Variants in LZIC observed in about 807,000 individuals in gnomAD.
LZIC encodes the protein leucine zipper and CTNNBIP1 domain containing.
In LZIC, 28 loss-of-function variants were observed where a neutral mutation model predicts 25.4. That is an observed-to-expected ratio of 1.10 (90% CI 0.82 to 1.51). LZIC has a LOEUF of 1.51. Ranked by LOEUF, LZIC falls within the 40% of genes most tolerant of loss-of-function variation. The pLI, the probability that LZIC is intolerant of heterozygous loss-of-function variation, is 0.00. For missense variants in LZIC, 170 were observed against 211.1 expected (o/e 0.81, Z 1.21); for synonymous variants, 65 against 70.7 (o/e 0.92, Z 0.40).
In LZIC at chr1:9,929,699, C is replaced by A. The variant is rs1640129120; in HGVS notation, c.*700G>T. 1.0e-6 allele frequency: 1 copy of A among 985,298 alleles called. No individual in the cohort carries two copies. Among genetic ancestry groups the A allele is most frequent in the Non-Finnish European group, 1.2e-6 (1 of 829,938 alleles). The allele number at this position is 985,298 out of a possible 1,614,324, so 61.0% of individuals were successfully genotyped here. ...GGGCCCCATTAATACAGACAGCTTA[C>A]AGGCTGGGGGATGGTCCCTTAGTGT... On this transcript the variant is annotated 3_prime_UTR_variant, in exon 8 of 8. Coordinates refer to ENST00000377223, the MANE Select transcript of LZIC (RefSeq NM_032368.5).
rs558492792 is a variant in LZIC at position 9,934,772 on chromosome 1, C to T, written c.326G>A (p.Arg109Lys). The T allele has an allele frequency of 2.5e-6, 4 of 1,613,916 alleles. No homozygotes were observed. The stretch of plus-strand genomic sequence containing the variant: ...TTAAAGAAATTTTACCTCTGCTAAC[C>T]TTGTCCGAAGCTGACCTGGTTGTTT... ...AKKQPGQLRT[R>K]LAEMDRDLMV... is the part of the protein sequence containing the mutation. Residue 109 changes from arginine (R) to lysine (K), a missense_variant, in exon 5 of 8, where the codon AGG becomes AAG. By Grantham distance (26) the Arg-to-Lys change is conservative (BLOSUM62 2). Coordinates refer to ENST00000377223, the MANE Select transcript of LZIC (RefSeq NM_032368.5).
rs893848014 is a variant in LZIC at position 9,927,784 on chromosome 1, A to G, written c.*2615T>C. The stretch of plus-strand genomic sequence containing the variant: ...CCGAAACCTCTGCCTCCCAGGTTCA[A>G]GTGATTCTCCTGCCTCAGTCTCCCA... On this transcript the variant is annotated 3_prime_UTR_variant, in exon 8 of 8. Transcript: ENST00000377223. Among the ~76,000 whole-genome samples the G allele has an allele frequency of 2.0e-5, 3 of 147,692 alleles. No homozygotes were observed. The highest frequency in any genetic ancestry group is 7.6e-5 in the African/African-American group (3 of 39,722).
At chr1:9,937,444 C>T (rs1241896963) in intron 2 of LZIC, among the ~76,000 whole-genome samples, 1 of 151,362 alleles carries the variant, frequency 6.6e-6, no homozygotes, top group Non-Finnish European at 1.5e-5. Flanking sequence ...ATTTGGGAGG[C>T]TGAGGCAGCA....
rs766618552 is a variant in LZIC, at chr1:9,931,878, T to C, written c.514+13A>G. The C allele has an allele frequency of 3.8e-6, 6 of 1,593,730 alleles. No homozygotes were observed. The East Asian group carries it at 1.3e-4, about 36-fold the overall frequency. On this transcript the variant is annotated intron_variant, in intron 7 of 7. Transcript: ENST00000377223. ...AGTATACGACCAGCTTTCAGAAATA[T>C]GAGGGCACTCACCAAGGTCTGTAGA...
Position 9,935,606 on chromosome 1 carries a change from T to C in LZIC, c.123A>G (p.Glu41=), listed in dbSNP as rs1640419099. 2 of 1,607,956 alleles carry C rather than the reference T, an allele frequency of 1.2e-6. No homozygotes were observed. Among genetic ancestry groups the C allele is most frequent in the African/African-American group, 2.7e-5 (2 of 74,456 alleles). Residue 41 remains glutamate, a synonymous_variant, in exon 4 of 8, where the codon GAA becomes GAG. Coordinates refer to ENST00000377223, the MANE Select transcript of LZIC (RefSeq NM_032368.5). ...EECREELDTD[E]YEETKKETLE... ...GAGTTTCCTTTTTGGTTTCTTCATATTCATCTGTATCAAGTTCCTCTCTGA... is the reference window on the plus strand; with the variant it reads ...GAGTTTCCTTTTTGGTTTCTTCATACTCATCTGTATCAAGTTCCTCTCTGA...
intron 2 of LZIC, 39 bp from the exon 3 acceptor site, chr1:9,936,666 A>G (rs1640471849): frequency 7.6e-7 from 1 of 1,317,982 alleles, no homozygotes; most frequent in African/African-American, 1.5e-5. Context: ...TATGAAATTA[A>G]CATACCAGTG....
Position 9,935,715 on chromosome 1 carries a change from G to C in LZIC, c.102-88C>G, listed in dbSNP as rs1182681193. 2.5e-6 allele frequency: 3 copies of C among 1,216,966 alleles called. No individual in the cohort carries two copies. The African/African-American group carries it at 4.6e-5, about 19-fold the overall frequency. The allele number at this position is 1,216,966 out of a possible 1,614,324, so 75.4% of individuals were successfully genotyped here. A position where few individuals can be genotyped will look rare whatever the true frequency, so the allele number is the denominator to read the frequency against. On this transcript the variant is annotated intron_variant, in intron 3 of 7. Transcript: ENST00000377223. ...AATACTTGTACATTAGAGAAAGACT[G>C]AAGGGAAATATCAAAATGCTGATGG... is the stretch of plus-strand genomic sequence containing the variant.
At chr1:9,923,260 T>C (rs1393276489), downstream of LZIC, among the ~76,000 whole-genome samples, 2 of 152,178 alleles carry the variant, frequency 1.3e-5, no homozygotes, top group South Asian at 2.1e-4. Flanking sequence ...TCTTGCCCTG[T>C]CACTGAGGTA....
chr1:9,942,414 C>T (rs1044162356), intron 2 of LZIC, among the ~76,000 whole-genome samples: 1 of 152,144 alleles, frequency 6.6e-6, no homozygotes. Flanking sequence ...TTTTAAGGAG[C>T]TAAAGCTATT....
rs1246011301 is a variant in LZIC at position 9,926,800 on chromosome 1, G to A, written c.*3599C>T. 6.6e-6 allele frequency among the ~76,000 whole-genome samples: 1 copy of A among 152,188 alleles called. No individual in the cohort carries two copies. Among genetic ancestry groups the A allele is most frequent in the Non-Finnish European group, 1.5e-5 (1 of 68,036 alleles). On this transcript the variant is annotated 3_prime_UTR_variant, in exon 8 of 8. Coordinates refer to ENST00000377223, the MANE Select transcript of LZIC (RefSeq NM_032368.5). ...TTTATTGCTGCCTATAATCTCCAAA[G>A]ATATCTGAACACCTAGAAGATTAAA...
intron 2 of LZIC, among the ~76,000 whole-genome samples, chr1:9,940,178 T>C (rs546440251): frequency 5.6e-4 from 85 of 151,492 alleles, no homozygotes; most frequent in African/African-American, 1.9e-3. Flanking sequence ...TATTAAAACA[T>C]GTTTTTTGTT....
downstream of LZIC, chr1:9,922,138 A>G (rs540856888): frequency 8.4e-4 from 219 of 260,936 alleles, 2 homozygotes; most frequent in African/African-American, 4.8e-3. Context: ...GATGTAATTT[A>G]TTATTTGAAG....
chr1:9,939,873 C>A (rs1640629166), intron 2 of LZIC, among the ~76,000 whole-genome samples: 1 of 152,118 alleles, frequency 6.6e-6, no homozygotes, highest in African/African-American at 2.4e-5. Flanking sequence ...AATCCCAGCA[C>A]TTTAGGAGGC....
intron 2 of LZIC, among the ~76,000 whole-genome samples, chr1:9,940,982 C>G (rs1489015133): frequency 6.6e-6 from 1 of 152,164 alleles, no homozygotes; most frequent in Non-Finnish European, 1.5e-5. Context: ...TTCCTACAGT[C>G]TAACCACACT....
intron 1 of LZIC, 26 bp from the exon 2 acceptor site, chr1:9,942,808 G>A (rs1640821124): frequency 1.4e-6 from 1 of 693,946 alleles, no homozygotes; most frequent in South Asian, 1.4e-5. Context: ...CCATTAACAA[G>A]TAATTTTATT....
chr1:9,929,503 A>G lies in LZIC; in HGVS notation c.*896T>C. The G allele has an allele frequency of 1.7e-5, 17 of 984,942 alleles. No homozygotes were observed. Among genetic ancestry groups the G allele is most frequent in the Non-Finnish European group, 1.9e-5 (16 of 829,884 alleles). The allele number at this position is 984,942 out of a possible 1,614,324, so 61.0% of individuals were successfully genotyped here. On this transcript the variant is annotated 3_prime_UTR_variant, in exon 8 of 8. Transcript: ENST00000377223. ...TTTCTCCAAAACCTGAAGAGTAGATAACAGCTGACAGTTACCCCCCTCTGA... is the reference window on the plus strand; with the variant it reads ...TTTCTCCAAAACCTGAAGAGTAGATGACAGCTGACAGTTACCCCCCTCTGA...
At chr1:9,933,203 C>T (rs1640303478) in intron 5 of LZIC, among the ~76,000 whole-genome samples, 1 of 127,510 alleles carries the variant, frequency 7.8e-6, no homozygotes, top group African/African-American at 3.1e-5. Context: ...TGCAGTGAGC[C>T]GAGATAGCGC....
chr1:9,931,083 G>A (rs967244304), intron 7 of LZIC, among the ~76,000 whole-genome samples: 4 of 149,824 alleles, frequency 2.7e-5, no homozygotes, highest in African/African-American at 7.4e-5. Flanking sequence ...TATTTTTTGC[G>A]GGGAGACAGG....
In LZIC at chr1:9,935,585, T is replaced by C; in HGVS notation, c.144A>G (p.Glu48=). 6.2e-7 allele frequency: 1 copy of C among 1,611,698 alleles called. No homozygotes were observed. The highest frequency in any genetic ancestry group is 1.3e-5 in the African/African-American group (1 of 74,938). ...DTDEYEETKK[E]TLEQLSEFND... Reference sequence around the variant, plus strand: ...TAAATTCACTTAGTTGCTCCAGAGTTTCCTTTTTGGTTTCTTCATATTCAT... The same window carrying C: ...TAAATTCACTTAGTTGCTCCAGAGTCTCCTTTTTGGTTTCTTCATATTCAT... The change falls in exon 4 of 8, where the codon GAA becomes GAG. Residue 48 remains glutamate, a synonymous_variant. Transcript: ENST00000377223.
Sources: allele counts gnomAD v4.1 joint callset (sites outside exome capture counted in the v4.1 genomes callset), GRCh38; gene constraint gnomAD v4.1.1; transcripts MANE v1.5; gene names NCBI Gene and HGNC (gene_info 2026-07-23, HGNC 2026-07-21).